SCAPER: variants seen among roughly 807,000 people sequenced by gnomAD.
SCAPER encodes the protein S phase cyclin A-associated protein in the endoplasmic reticulum.
SCAPER carries 98 observed loss-of-function variants against 182.2 expected under a neutral mutation model. The ratio of observed to expected loss-of-function variants is 0.54; its 90% confidence interval spans 0.46 to 0.64. The LOEUF (loss-of-function observed/expected upper bound fraction) is 0.64, where lower values mean the gene tolerates loss of function less well. SCAPER is among the 30% of genes least tolerant of loss of function. The probability of loss-of-function intolerance (pLI) is 0.00; values close to 1 mark genes in which losing one functional copy is unlikely to be tolerated. For synonymous variants in SCAPER, 605 were observed against 564.6 expected, an observed-to-expected ratio of 1.07 and a Z score of -1.01; for missense variants, 1,432 against 1,690.0, an observed-to-expected ratio of 0.85 and a Z score of 2.68.
intron 30 of SCAPER, 141 bp downstream of exon 30, chr15:76,353,808 A>C: frequency 1.5e-6 from 1 of 650,710 alleles, no homozygotes; most frequent in Non-Finnish European, 2.4e-6. Flanking sequence ...ATATTTTAGA[A>C]ATCAATTTTG....
intron 17 of SCAPER, among the ~76,000 whole-genome samples, chr15:76,724,398 T>C (rs1188291157): frequency 6.6e-6 from 1 of 152,278 alleles, no homozygotes; most frequent in South Asian, 2.1e-4. Context: ...CTGACAATTA[T>C]GTGTCTTGGA....
intron 23 of SCAPER, among the ~76,000 whole-genome samples, chr15:76,566,273 C>G (rs1302878073): frequency 6.6e-6 from 1 of 151,986 alleles, no homozygotes; most frequent in East Asian, 1.9e-4. Context: ...TTGAAAATAC[C>G]AAAGCATGGC....
intron 26 of SCAPER, among the ~76,000 whole-genome samples, chr15:76,428,869 T>C (rs900752502): frequency 3.2e-5 from 4 of 125,478 alleles, no homozygotes; most frequent in Admixed American, 3.1e-4. Flanking sequence ...CATTATACTA[T>C]ATATATATAT....
intron 5 of SCAPER, among the ~76,000 whole-genome samples, chr15:76,813,457 G>C (rs912120862): frequency 6.7e-6 from 1 of 149,740 alleles, no homozygotes; most frequent in Non-Finnish European, 1.5e-5. Flanking sequence ...AAGAGCAATC[G>C]GACCAAAAAA....
At chr15:76,621,666 T>C in intron 22 of SCAPER, 98 bp downstream of exon 22, 3 of 987,720 alleles carry the variant, frequency 3.0e-6, no homozygotes, top group Non-Finnish European at 4.6e-6. Context: ...GAAATTAGAA[T>C]CAAAGAACCT....
intron 24 of SCAPER, among the ~76,000 whole-genome samples, chr15:76,491,148 C>A (rs2052261052): frequency 6.6e-6 from 1 of 152,150 alleles, no homozygotes; most frequent in Non-Finnish European, 1.5e-5. Context: ...GATTTTTGGA[C>A]TCTCTGTTCT....
At chr15:76,707,067 ATTAAT>A (rs1246497018) in intron 17 of SCAPER, among the ~76,000 whole-genome samples, 1 of 152,092 alleles carries the variant, frequency 6.6e-6, no homozygotes, top group Non-Finnish European at 1.5e-5. Flanking sequence ...TTTTAACAAA[ATTAAT>A]TTAGTTTTAT....
chr15:76,732,555 C>T (rs991950526), intron 16 of SCAPER, among the ~76,000 whole-genome samples: 3 of 152,076 alleles, frequency 2.0e-5, no homozygotes, highest in African/African-American at 7.2e-5. Context: ...TGGGAAGATG[C>T]TCATTGCCAA....
chr15:76,524,282 C>T lies in SCAPER; in HGVS notation c.2839-19308G>A, dbSNP rs189505091. Among the ~76,000 whole-genome samples, 274 of 152,138 alleles carry T rather than the reference C, an allele frequency of 1.8e-3. 2 individuals are homozygous for T. The highest frequency in any genetic ancestry group is 6.4e-3 in the African/African-American group (265 of 41,526). ...GTCTACCCTGTGGAGAATGGAGAGC[C>T]ATGGTAGAAGGCCTTGAGAAGACTA... On this transcript the variant is annotated intron_variant, in intron 23 of 31. Transcript: ENST00000563290.
At chr15:76,760,421 A>G (rs112006119) in intron 14 of SCAPER, among the ~76,000 whole-genome samples, 2 of 152,244 alleles carry the variant, frequency 1.3e-5, no homozygotes, top group African/African-American at 4.8e-5. Flanking sequence ...CAAAGTGTGA[A>G]GAAGGGACAC....
intron 23 of SCAPER, among the ~76,000 whole-genome samples, chr15:76,546,751 T>C (rs574012330): frequency 9.5e-4 from 144 of 152,252 alleles, no homozygotes; most frequent in Middle Eastern, 6.8e-3. Flanking sequence ...ACACTGTAAG[T>C]AGACTTCTAG....
intron 4 of SCAPER, among the ~76,000 whole-genome samples, chr15:76,848,324 T>G (rs1207268266): frequency 2.3e-4 from 6 of 26,328 alleles, no homozygotes; most frequent in South Asian, 2.1e-3. Context: ...TTTTTTGGGG[T>G]TTTTTTTTTT....
chr15:76,392,804 C>T (rs1259490696), intron 27 of SCAPER, among the ~76,000 whole-genome samples: 1 of 152,186 alleles, frequency 6.6e-6, no homozygotes, highest in Non-Finnish European at 1.5e-5. Flanking sequence ...CATAATATTA[C>T]ACACAGTTTT....
chr15:76,883,968 C>T (rs1037847586), intron 1 of SCAPER, 92 bp from the exon 2 acceptor site: 5 of 625,028 alleles, frequency 8.0e-6, no homozygotes, highest in Non-Finnish European at 1.3e-5. Flanking sequence ...CCCACACTTA[C>T]ATTAAACAAC....
chr15:76,724,805 G>C (rs1057114495), intron 17 of SCAPER, among the ~76,000 whole-genome samples: 1 of 152,014 alleles, frequency 6.6e-6, no homozygotes, highest in Non-Finnish European at 1.5e-5. Flanking sequence ...CTCTGCATTG[G>C]TTATTCTAGT....
intron 22 of SCAPER, among the ~76,000 whole-genome samples, chr15:76,590,359 A>G (rs546921112): frequency 6.6e-6 from 1 of 152,308 alleles, no homozygotes; most frequent in Non-Finnish European, 1.5e-5. Context: ...ATTTTTTTCA[A>G]TAGCATCCTA....
At chr15:76,420,866 C>CGGT (rs2045984299) in intron 26 of SCAPER, among the ~76,000 whole-genome samples, 1 of 152,090 alleles carries the variant, frequency 6.6e-6, no homozygotes, top group Non-Finnish European at 1.5e-5. Flanking sequence ...TGAGAACATG[C>CGGT]GGTGTTTGGT....
chr15:76,400,415 A>G (rs567449710), intron 27 of SCAPER, among the ~76,000 whole-genome samples: 1 of 152,358 alleles, frequency 6.6e-6, no homozygotes, highest in East Asian at 1.9e-4. Flanking sequence ...AACTCTATTT[A>G]ATGCATGCAA....
At chr15:76,479,317 C>T (rs1443849104) in intron 24 of SCAPER, among the ~76,000 whole-genome samples, 1 of 152,188 alleles carries the variant, frequency 6.6e-6, no homozygotes, top group African/African-American at 2.4e-5. Flanking sequence ...ACCCAAGCAG[C>T]TTTCCCTGTA....
Sources: allele counts gnomAD v4.1 joint callset (sites outside exome capture counted in the v4.1 genomes callset), GRCh38; gene constraint gnomAD v4.1.1; transcripts MANE v1.5; gene names NCBI Gene and HGNC (gene_info 2026-07-23, HGNC 2026-07-21).